Variants in QTMAN observed in about 807,000 individuals in gnomAD.
The protein encoded by QTMAN is queuosine-tRNA mannosyltransferase.
At chr2:143,975,107 A>T in the QTMAN span, among the ~76,000 whole-genome samples, 1 of 152,274 alleles carries the variant, frequency 6.6e-6, no homozygotes, top group Non-Finnish European at 1.5e-5. Context: ...CAGCAAGAAC[A>T]GCTTTTATTC....
At chr2:144,007,158 C>T in the QTMAN span, 23 of 1,363,590 alleles carry the variant, frequency 1.7e-5, no homozygotes, top group Non-Finnish European at 2.3e-5. Context: ...ACAACTCTTA[C>T]TAAATTGGCA....
the QTMAN span, among the ~76,000 whole-genome samples, chr2:144,300,434 A>G: frequency 6.6e-6 from 1 of 152,204 alleles, no homozygotes; most frequent in Non-Finnish European, 1.5e-5. Flanking sequence ...ACACAGCCCA[A>G]AGAACTTACA....
chr2:144,050,031 A>G, the QTMAN span, among the ~76,000 whole-genome samples: 1 of 152,208 alleles, frequency 6.6e-6, no homozygotes, highest in Non-Finnish European at 1.5e-5. Flanking sequence ...GAGCATTTAC[A>G]TAGAACAACA....
the QTMAN span, among the ~76,000 whole-genome samples, chr2:144,101,236 A>C: frequency 6.6e-6 from 1 of 151,998 alleles, no homozygotes; most frequent in East Asian, 1.9e-4. Flanking sequence ...ACATTTTCCA[A>C]AGTTTTATTC....
the QTMAN span, among the ~76,000 whole-genome samples, chr2:144,164,298 G>T: frequency 6.6e-6 from 1 of 151,950 alleles, no homozygotes; most frequent in East Asian, 1.9e-4. Context: ...ATGGGCCTAT[G>T]AGAGTACTCC....
chr2:144,246,599 A>G, the QTMAN span, among the ~76,000 whole-genome samples: 43 of 144,996 alleles, frequency 3.0e-4, no homozygotes, highest in African/African-American at 1.1e-3. Context: ...AAAAAAAAAA[A>G]AAAGAAAAGA....
At chr2:144,181,156 C>G in the QTMAN span, among the ~76,000 whole-genome samples, 1 of 152,190 alleles carries the variant, frequency 6.6e-6, no homozygotes, top group African/African-American at 2.4e-5. Flanking sequence ...AAGACTATTA[C>G]TGCTGGAATC....
chr2:144,287,206 G>GCGC, the QTMAN span, among the ~76,000 whole-genome samples: 1 of 152,208 alleles, frequency 6.6e-6, no homozygotes, highest in African/African-American at 2.4e-5. Flanking sequence ...GGAGGCCAAA[G>GCGC]CGGGCGGATC....
the QTMAN span, among the ~76,000 whole-genome samples, chr2:144,030,188 C>G: frequency 1.3e-5 from 2 of 152,154 alleles, no homozygotes; most frequent in Non-Finnish European, 2.9e-5. Context: ...TACCACCTTA[C>G]TAATTACTCT....
the QTMAN span, among the ~76,000 whole-genome samples, chr2:144,057,080 T>C: frequency 5.3e-5 from 8 of 152,318 alleles, no homozygotes; most frequent in South Asian, 1.7e-3. Context: ...GGCTCTAAAG[T>C]ACCCACACTG....
the QTMAN span, among the ~76,000 whole-genome samples, chr2:144,030,544 A>G: frequency 0.1 from 15,376 of 152,212 alleles, 1,155 homozygotes; most frequent in East Asian, 0.26. Context: ...GTTCCTGCCT[A>G]GCTTGGGCCT....
At chr2:144,318,329 C>T in the QTMAN span, among the ~76,000 whole-genome samples, 1 of 152,034 alleles carries the variant, frequency 6.6e-6, no homozygotes, top group African/African-American at 2.4e-5. Flanking sequence ...CAAGGTAGTT[C>T]AATTATGGCA....
chr2:143,967,591 A>G, the QTMAN span, among the ~76,000 whole-genome samples: 1 of 152,146 alleles, frequency 6.6e-6, no homozygotes, highest in African/African-American at 2.4e-5. Flanking sequence ...TCGGCCTCCC[A>G]AGGTGCTGGG....
At chr2:144,005,605 G>A in the QTMAN span, 6 of 151,936 alleles carry the variant, frequency 3.9e-5, no homozygotes, top group South Asian at 4.1e-4. Context: ...TTGTTGATGC[G>A]GCTTTTTTCC....
chr2:144,197,319 G>A, the QTMAN span, among the ~76,000 whole-genome samples: 420 of 143,604 alleles, frequency 2.9e-3, 1 homozygote, highest in African/African-American at 7.0e-3. Context: ...GTGTGTGTGT[G>A]TATATATATA....
At chr2:144,238,103 T>C in the QTMAN span, among the ~76,000 whole-genome samples, 1 of 152,222 alleles carries the variant, frequency 6.6e-6, no homozygotes, top group Admixed American at 6.5e-5. Context: ...CTTTCTAGCA[T>C]GCACTCTAAC....
chr2:144,304,598 C>T, the QTMAN span, among the ~76,000 whole-genome samples: 1 of 152,146 alleles, frequency 6.6e-6, no homozygotes, highest in East Asian at 1.9e-4. Context: ...TAAAACAGTA[C>T]TTGACAATGT....
At chr2:144,112,965 T>C in the QTMAN span, among the ~76,000 whole-genome samples, 1 of 151,854 alleles carries the variant, frequency 6.6e-6, no homozygotes, top group Non-Finnish European at 1.5e-5. Flanking sequence ...ATCAGAGCAA[T>C]ACATATCAAA....
At chr2:144,307,907 C>A in the QTMAN span, among the ~76,000 whole-genome samples, 29 of 152,254 alleles carry the variant, frequency 1.9e-4, no homozygotes, top group Non-Finnish European at 3.7e-4. Context: ...TGCTCCCCAA[C>A]CAATCCACTG....
Sources: gnomAD v4.1 joint callset for allele counts (sites outside exome capture counted in the v4.1 genomes callset) on GRCh38, gnomAD v4.1.1 for gene constraint, MANE v1.5 for transcripts, NCBI Gene and HGNC (gene_info 2026-07-23, HGNC 2026-07-21) for gene names.